The following IGSF10 variants were observed in gnomAD, a reference collection of about 807,000 sequenced individuals.
IGSF10 encodes calvaria mechanical force protein 608.
Under a neutral mutation model 128.2 loss-of-function variants are expected in IGSF10, and 126 were observed. The observed-to-expected ratio is 0.98, with a 90% CI of 0.85 to 1.14. IGSF10 has a LOEUF of 1.14. Ranked by LOEUF, IGSF10 falls within the 50% of genes most tolerant of loss-of-function variation. IGSF10 has a pLI of 0.00. For synonymous variants in IGSF10, 1,185 were observed against 1,146.2 expected (o/e 1.03, Z -0.68); for missense variants, 3,295 against 3,149.8 (o/e 1.05, Z -1.10).
At chr3:151,459,524 C>A (rs1002864501) in intron 2 of IGSF10, among the ~76,000 whole-genome samples, 3 of 152,182 alleles carry the variant, frequency 2.0e-5, no homozygotes, top group East Asian at 1.9e-4. Context: ...GGGCTTGAGC[C>A]ATGCTGACCC....
the IGSF10 span, among the ~76,000 whole-genome samples, chr3:151,587,044 C>A: frequency 6.6e-6 from 1 of 152,076 alleles, no homozygotes. Flanking sequence ...TGTTTTATAG[C>A]ATTTGTTTTG....
At chr3:151,563,181 T>A in the IGSF10 span, among the ~76,000 whole-genome samples, 1 of 152,062 alleles carries the variant, frequency 6.6e-6, no homozygotes, top group African/African-American at 2.4e-5. Context: ...GCCATATATC[T>A]TCTCACCCTG....
chr3:151,488,301 A>G, the IGSF10 span, among the ~76,000 whole-genome samples: 1 of 80,762 alleles, frequency 1.2e-5, no homozygotes, highest in Non-Finnish European at 2.4e-5. Context: ...ACTACAAACC[A>G]CTGCTCAAGG....
In IGSF10 at chr3:151,437,231, CTTT is replaced by C. The variant is rs754285145; in HGVS notation, c.7327_7329del (p.Lys2443del). On this transcript the variant is annotated inframe_deletion, in exon 8 of 8. Transcript: ENST00000282466. Reference sequence around the variant, plus strand: ...AGTGATAGAGATTCTCCACTGATGCCTTTTACTGTCCCTGGTGCATAGGTAAGA... The same window carrying C: ...AGTGATAGAGATTCTCCACTGATGCCTACTGTCCCTGGTGCATAGGTAAGA... The C allele has an allele frequency of 3.1e-6, 5 of 1,614,042 alleles. No individual in the cohort carries two copies. The highest frequency in any genetic ancestry group is 4.2e-6 in the Non-Finnish European group (5 of 1,180,028).
chr3:151,444,591 G>A (rs192791298), intron 6 of IGSF10, among the ~76,000 whole-genome samples: 16 of 152,268 alleles, frequency 1.1e-4, no homozygotes, highest in African/African-American at 3.9e-4. Context: ...GATTACAGAC[G>A]TGAGCCACTG....
In IGSF10 at chr3:151,448,287, C is replaced by T; in HGVS notation, c.1694G>A (p.Arg565Lys). Residue 565 changes from arginine to lysine, a missense_variant, in exon 6 of 8, where the codon AGG (arginine) becomes AAG (lysine). Transcript: ENST00000282466. ...NYDDADILTYRITVVEPLVEA... is the reference protein window; with the variant it reads ...NYDDADILTYKITVVEPLVEA... The stretch of plus-strand genomic sequence containing the variant: ...GACCAAAGGTTCTACCACAGTTATC[C>T]TATAGGTGAGAATATCTGCATCATC... The T allele has an allele frequency of 6.2e-7, 1 of 1,614,172 alleles. No homozygotes were observed. The highest frequency in any genetic ancestry group is 8.5e-7 in the Non-Finnish European group (1 of 1,180,036).
At chr3:151,584,957 T>G in the IGSF10 span, among the ~76,000 whole-genome samples, 554 of 152,344 alleles carry the variant, frequency 3.6e-3, 3 homozygotes, top group African/African-American at 0.013. Context: ...GCAACTTTAT[T>G]TAAAATTACA....
Position 151,458,561 on chromosome 3 carries a change from G to C in IGSF10, c.149C>G (p.Ser50Cys). Residue 50 changes from serine to cysteine, a missense_variant, in exon 3 of 8, where the codon TCC (serine) becomes TGC (cysteine). By Grantham distance (112) the Ser-to-Cys change is moderately radical. Transcript: ENST00000282466. ...EVHCTFRYLT[S>C]IPDSIPPNVE... ...ATTGGGCGGGATGCTGTCTGGGATG[G>C]AAGTCAGGTACCGAAATGTGCAGTG... 2 of 1,614,136 alleles carry C rather than the reference G, an allele frequency of 1.2e-6. No homozygotes were observed. The highest frequency in any genetic ancestry group is 1.7e-6 in the Non-Finnish European group (2 of 1,180,024).
the IGSF10 span, among the ~76,000 whole-genome samples, chr3:151,522,015 A>C: frequency 6.6e-6 from 1 of 152,112 alleles, no homozygotes; most frequent in Admixed American, 6.6e-5. Flanking sequence ...GATGAAGGGA[A>C]TGTTACCACT....
the IGSF10 span, among the ~76,000 whole-genome samples, chr3:151,551,293 A>G: frequency 6.6e-6 from 1 of 152,150 alleles, no homozygotes; most frequent in South Asian, 2.1e-4. Context: ...TAAATAACTT[A>G]TAGTCATCCC....
Position 151,438,222 on chromosome 3 carries a change from C to G in IGSF10, c.6339G>C (p.Glu2113Asp). 2 of 1,614,162 alleles carry G rather than the reference C, an allele frequency of 1.2e-6. No homozygotes were observed. The highest frequency in any genetic ancestry group is 1.7e-6 in the Non-Finnish European group (2 of 1,180,022). ...GGGCATAGCAAGTATAATCTCCTTCCTCCGCTACCCCAACTTTGTTGAAGT... is the reference window on the plus strand; with the variant it reads ...GGGCATAGCAAGTATAATCTCCTTCGTCCGCTACCCCAACTTTGTTGAAGT... ...TLYFNKVGVAEEGDYTCYAQN... is the reference protein window; with the variant it reads ...TLYFNKVGVADEGDYTCYAQN... The change falls in exon 8 of 8, where the codon GAG becomes GAC. Residue 2113 changes from glutamate (E) to aspartate (D), a missense_variant. Transcript: ENST00000282466.
At chr3:151,475,265 G>C in the IGSF10 span, among the ~76,000 whole-genome samples, 1 of 152,122 alleles carries the variant, frequency 6.6e-6, no homozygotes, top group Admixed American at 6.6e-5. Context: ...AAACTAAAGA[G>C]GACTTGTAAA....
chr3:151,465,487 G>A (rs1448343110), upstream of IGSF10, among the ~76,000 whole-genome samples: 1 of 152,204 alleles, frequency 6.6e-6, no homozygotes, highest in African/African-American at 2.4e-5. Flanking sequence ...AACTCACCAT[G>A]ATTTCTTAAG....
the IGSF10 span, among the ~76,000 whole-genome samples, chr3:151,494,852 T>A: frequency 6.6e-6 from 1 of 152,132 alleles, no homozygotes; most frequent in Admixed American, 6.6e-5. Context: ...CAATTGTATT[T>A]TAAGGCAGTG....
chr3:151,527,092 C>T, the IGSF10 span, among the ~76,000 whole-genome samples: 3 of 152,130 alleles, frequency 2.0e-5, no homozygotes, highest in Admixed American at 6.5e-5. Flanking sequence ...TTCCCTATTC[C>T]ATTGGCTACA....
chr3:151,574,967 A>T, the IGSF10 span, among the ~76,000 whole-genome samples: 1,519 of 152,256 alleles, frequency 1.0e-2, 28 homozygotes, highest in African/African-American at 0.034. Context: ...TCCTTCTCAC[A>T]GTCAGGTCCC....
the IGSF10 span, chr3:151,476,178 T>G: frequency 6.6e-6 from 1 of 152,198 alleles, no homozygotes; most frequent in Admixed American, 6.5e-5. Flanking sequence ...TATGATGTAT[T>G]GAGATACTTA....
At chr3:151,432,636 G>T, downstream of IGSF10, 2 of 745,664 alleles carry the variant, frequency 2.7e-6, no homozygotes, top group Non-Finnish European at 2.3e-6. Flanking sequence ...GTACTCTCCG[G>T]CCATTCTGTT....
chr3:151,491,048 A>G, the IGSF10 span, among the ~76,000 whole-genome samples: 1 of 152,180 alleles, frequency 6.6e-6, no homozygotes, highest in Non-Finnish European at 1.5e-5. Context: ...AGCCATGGAA[A>G]GAATCAATAA....
Sources: gnomAD v4.1 joint callset for allele counts (sites outside exome capture counted in the v4.1 genomes callset) on GRCh38, gnomAD v4.1.1 for gene constraint, MANE v1.5 for transcripts, NCBI Gene and HGNC (gene_info 2026-07-23, HGNC 2026-07-21) for gene names.